Variants in PLEKHB2 observed in about 807,000 individuals in gnomAD.
PLEKHB2 encodes pleckstrin homology domain containing B2, also known as pleckstrin homology domain-containing family B member 2.
Under a neutral mutation model 36.5 loss-of-function variants are expected in PLEKHB2, and 31 were observed. The observed-to-expected ratio is 0.85, with a 90% CI of 0.64 to 1.15. The LOEUF is 1.15. PLEKHB2 is among the 50% of genes most tolerant of loss of function. PLEKHB2 has a pLI of 0.00. For synonymous variants in PLEKHB2, 119 were observed against 112.0 expected (o/e 1.06, Z -0.39); for missense variants, 262 against 295.3 (o/e 0.89, Z 0.83).
intron 6 of PLEKHB2, among the ~76,000 whole-genome samples, chr2:131,138,015 A>ATTTTTTTTTTT (rs779343791): frequency 8.8e-6 from 1 of 113,298 alleles, no homozygotes. Flanking sequence ...AGAGATGCTC[A>ATTTTTTTTTTT]TTTTTTTTTT....
intron 7 of PLEKHB2, among the ~76,000 whole-genome samples, chr2:131,145,900 G>A (rs535293516): frequency 2.6e-5 from 4 of 152,102 alleles, no homozygotes; most frequent in African/African-American, 9.6e-5. Flanking sequence ...AGAGTAGGCC[G>A]GGCCGGGCGT....
At chr2:131,126,830 T>G (rs1171065235) in intron 4 of PLEKHB2, 44 bp downstream of exon 4, 10 of 1,129,612 alleles carry the variant, frequency 8.9e-6, no homozygotes, top group Non-Finnish European at 1.2e-5. Flanking sequence ...AAGTATTTTC[T>G]ATTTTAACTT....
chr2:131,128,900 T>A (rs1697363807), intron 4 of PLEKHB2, among the ~76,000 whole-genome samples: 1 of 151,740 alleles, frequency 6.6e-6, no homozygotes, highest in Admixed American at 6.6e-5. Flanking sequence ...TTCCACCTGA[T>A]ATGACAACAA....
chr2:131,136,154 C>T (rs1698225715), intron 6 of PLEKHB2, among the ~76,000 whole-genome samples: 1 of 147,172 alleles, frequency 6.8e-6, no homozygotes, highest in African/African-American at 2.6e-5. Flanking sequence ...GCCTGTCTTC[C>T]TGCCTCCTCC....
At chr2:131,132,748 C>T (rs1251921868) in intron 5 of PLEKHB2, among the ~76,000 whole-genome samples, 154 bp from the exon 6 acceptor site, 1 of 152,212 alleles carries the variant, frequency 6.6e-6, no homozygotes, top group Admixed American at 6.5e-5. Flanking sequence ...GGGGCCCCCA[C>T]TGGACTGGGG....
intron 2 of PLEKHB2, among the ~76,000 whole-genome samples, chr2:131,123,929 G>A (rs1014017476): frequency 6.6e-6 from 1 of 151,118 alleles, no homozygotes. Flanking sequence ...GCTCACTACA[G>A]CCTTGATCTT....
intron 7 of PLEKHB2, among the ~76,000 whole-genome samples, chr2:131,141,058 G>C (rs1459517876): frequency 1.3e-5 from 2 of 152,190 alleles, no homozygotes; most frequent in East Asian, 3.9e-4. Context: ...TCTCAGCGCA[G>C]AGGCAGTGGG....
At chr2:131,122,992 T>G (rs1696674490) in intron 2 of PLEKHB2, among the ~76,000 whole-genome samples, 1 of 152,174 alleles carries the variant, frequency 6.6e-6, no homozygotes. Flanking sequence ...AGGGCAAGCT[T>G]TCCCTTTTCC....
chr2:131,145,336 TTC>T (rs956925351), intron 7 of PLEKHB2, among the ~76,000 whole-genome samples: 3 of 151,296 alleles, frequency 2.0e-5, no homozygotes, highest in African/African-American at 7.4e-5. Context: ...CTAGTTTTTT[TTC>T]TTTTCTTTTT....
intron 1 of PLEKHB2, among the ~76,000 whole-genome samples, chr2:131,107,277 G>T (rs895759200): frequency 1.3e-5 from 2 of 152,188 alleles, no homozygotes; most frequent in African/African-American, 4.8e-5. Context: ...TTCCACAGTG[G>T]ATCATGGAAA....
intron 1 of PLEKHB2, among the ~76,000 whole-genome samples, chr2:131,112,625 A>G (rs1695444507): frequency 6.6e-6 from 1 of 152,200 alleles, no homozygotes; most frequent in Non-Finnish European, 1.5e-5. Flanking sequence ...AAATAGGGGC[A>G]GTTTCTAAGT....
intron 1 of PLEKHB2, among the ~76,000 whole-genome samples, chr2:131,106,110 C>T (rs1694701137): frequency 1.3e-5 from 2 of 152,180 alleles, no homozygotes; most frequent in South Asian, 2.1e-4. Context: ...AGATTGAAAA[C>T]TCCGGAGGTC....
intron 4 of PLEKHB2, among the ~76,000 whole-genome samples, chr2:131,128,858 T>C (rs181717546): frequency 5.3e-4 from 80 of 152,332 alleles, no homozygotes; most frequent in Non-Finnish European, 2.2e-4. Flanking sequence ...ATAATCGAAC[T>C]GAATTGGCAG....
At chr2:131,114,801 T>C (rs1464172517) in intron 1 of PLEKHB2, among the ~76,000 whole-genome samples, 1 of 152,206 alleles carries the variant, frequency 6.6e-6, no homozygotes, top group East Asian at 1.9e-4. Flanking sequence ...TATCAGCATT[T>C]TGGTCAAAGC....
intron 7 of PLEKHB2, among the ~76,000 whole-genome samples, chr2:131,144,705 T>G (rs2104987754): frequency 6.6e-6 from 1 of 152,332 alleles, no homozygotes. Context: ...CAGCTGACTC[T>G]GGCAAGGACT....
At chr2:131,107,648 G>A (rs758028928) in intron 1 of PLEKHB2, 5 of 152,150 alleles carry the variant, frequency 3.3e-5, no homozygotes, top group Admixed American at 2.0e-4. Flanking sequence ...TGTAATTGTA[G>A]CAGTTCTCAC....
intron 1 of PLEKHB2, among the ~76,000 whole-genome samples, chr2:131,112,598 G>A (rs1695442854): frequency 6.6e-6 from 1 of 152,102 alleles, no homozygotes; most frequent in Admixed American, 6.6e-5. Flanking sequence ...AGTTAGAAGT[G>A]GGATTTTAAA....
In PLEKHB2 at chr2:131,148,988, T is replaced by C. The variant is rs1699490827; in HGVS notation, c.*2215T>C. On this transcript the variant is annotated 3_prime_UTR_variant, in exon 8 of 8. Coordinates refer to ENST00000693505, the MANE Select transcript of PLEKHB2 (RefSeq NM_001100623.2). ...ATTGATTTTTGCTGCCAAAATGCTC[T>C]TGAAGCAGATGTCCCTGTGCTCCCC... is the stretch of plus-strand genomic sequence containing the variant. 6.6e-6 allele frequency: 1 copy of C among 151,708 alleles called. No individual in the cohort carries two copies. Among genetic ancestry groups the C allele is most frequent in the South Asian group, 2.1e-4 (1 of 4,832 alleles). 9.4% of individuals were successfully genotyped at this position (151,708 alleles called of 1,614,324 possible).
At position 131,125,765 on chromosome 2, in the gene PLEKHB2, A is replaced by G; in HGVS notation, c.50A>G (p.Lys17Arg). Residue 17 changes from lysine to arginine, a missense_variant, in exon 3 of 8, where the codon AAG (lysine) becomes AGG (arginine). By Grantham distance (26) the Lys-to-Arg change is conservative. Transcript: ENST00000693505. ...GWLLRQSTIL[K>R]RWKKNWFDLW... ...TTTTTTTTTCCAGGTACTATTTTGA[A>G]GCGCTGGAAGAAGAACTGGTTTGAT... 1 of 1,605,356 alleles carries G rather than the reference A, an allele frequency of 6.2e-7. No homozygotes were observed. Among genetic ancestry groups the G allele is most frequent in the Non-Finnish European group, 8.5e-7 (1 of 1,176,774 alleles).
Sources: gnomAD v4.1 joint callset for allele counts (sites outside exome capture counted in the v4.1 genomes callset) on GRCh38, gnomAD v4.1.1 for gene constraint, MANE v1.5 for transcripts, NCBI Gene and HGNC (gene_info 2026-07-23, HGNC 2026-07-21) for gene names.